The following KANSL1L variants were observed in gnomAD, a reference collection of about 807,000 sequenced individuals.
The protein encoded by KANSL1L is KAT8 regulatory NSL complex subunit 1-like protein.
In KANSL1L, 25 loss-of-function variants were observed where a neutral mutation model predicts 108.6. The observed-to-expected ratio is 0.23, with a 90% CI of 0.17 to 0.32. KANSL1L has a LOEUF of 0.32. Ranked by LOEUF, KANSL1L falls within the 10% of genes least tolerant of loss-of-function variation. The probability of loss-of-function intolerance (pLI) is 1.00; values close to 1 mark genes in which losing one functional copy is unlikely to be tolerated. For synonymous variants in KANSL1L, 405 were observed against 395.1 expected (o/e 1.03, Z -0.30); for missense variants, 1,137 against 1,125.7 (o/e 1.01, Z -0.14).
At chr2:210,136,171 T>C (rs1002560798) in intron 2 of KANSL1L, among the ~76,000 whole-genome samples, 10 of 152,150 alleles carry the variant, frequency 6.6e-5, no homozygotes, top group Admixed American at 2.0e-4. Flanking sequence ...TGCCTAGAAC[T>C]CTGGCAGAAC....
At chr2:210,169,795 C>A (rs1339916333) in intron 1 of KANSL1L, among the ~76,000 whole-genome samples, 2 of 152,310 alleles carry the variant, frequency 1.3e-5, no homozygotes, top group East Asian at 3.9e-4. Flanking sequence ...TAAAGATACT[C>A]AAATATATTC....
At chr2:210,102,966 G>T (rs998586328) in intron 4 of KANSL1L, among the ~76,000 whole-genome samples, 4 of 151,958 alleles carry the variant, frequency 2.6e-5, no homozygotes, top group Non-Finnish European at 5.9e-5. Flanking sequence ...CCCATTACTG[G>T]GTATATACCC....
intron 6 of KANSL1L, among the ~76,000 whole-genome samples, chr2:210,060,257 T>G (rs1460069192): frequency 4.6e-5 from 7 of 152,166 alleles, no homozygotes; most frequent in African/African-American, 1.7e-4. Context: ...CATTATGATT[T>G]GAGAATCTAT....
chr2:210,147,271 GCAA>G (rs530300953), intron 2 of KANSL1L, among the ~76,000 whole-genome samples: 69 of 152,170 alleles, frequency 4.5e-4, no homozygotes, highest in African/African-American at 1.6e-3. Context: ...ACCATCCTGG[GCAA>G]CATAGCTAAA....
intron 2 of KANSL1L, among the ~76,000 whole-genome samples, chr2:210,149,646 AAGAT>A (rs1238020528): frequency 6.6e-6 from 1 of 151,976 alleles, no homozygotes; most frequent in Non-Finnish European, 1.5e-5. Flanking sequence ...TTAATGACCT[AAGAT>A]AGAACTGATT....
intron 3 of KANSL1L, among the ~76,000 whole-genome samples, chr2:210,127,829 A>G (rs902405683): frequency 7.4e-5 from 11 of 148,848 alleles, no homozygotes; most frequent in African/African-American, 2.7e-4. Flanking sequence ...AAAGCAACAC[A>G]TAGAATAGGA....
At position 210,043,622 on chromosome 2, in the gene KANSL1L, A is replaced by G. The variant is rs548532816; in HGVS notation, c.1921+317T>C. On this transcript the variant is annotated intron_variant, in intron 7 of 14. Transcript: ENST00000281772. ...AAAGAACACTGAATTACCATTACTC[A>G]GAAACATTTCAACAGCACAGCCATG... 5.8e-5 allele frequency: 11 copies of G among 190,378 alleles called. No individual in the cohort carries two copies. In the East Asian group the frequency reaches 1.4e-3, roughly 24 times the overall value. The allele number at this position is 190,378 out of a possible 1,614,324, so 11.8% of individuals were successfully genotyped here. A position where few individuals can be genotyped will look rare whatever the true frequency, so the allele number is the denominator to read the frequency against.
At chr2:210,142,950 G>C (rs1388384607) in intron 2 of KANSL1L, among the ~76,000 whole-genome samples, 1 of 152,080 alleles carries the variant, frequency 6.6e-6, no homozygotes, top group African/African-American at 2.4e-5. Flanking sequence ...ATATATCTCT[G>C]TTAGGTCCAT....
At chr2:210,125,246 C>T (rs1409724113) in intron 3 of KANSL1L, among the ~76,000 whole-genome samples, 1 of 152,032 alleles carries the variant, frequency 6.6e-6, no homozygotes, top group Non-Finnish European at 1.5e-5. Context: ...AAGAGCAAAA[C>T]TCCAACTCAA....
At chr2:210,106,836 A>C (rs904894505) in intron 3 of KANSL1L, among the ~76,000 whole-genome samples, 2 of 151,944 alleles carry the variant, frequency 1.3e-5, no homozygotes, top group Non-Finnish European at 2.9e-5. Flanking sequence ...TTTTTCCTCC[A>C]TAAACTACTA....
At chr2:210,124,432 A>G (rs570503138) in intron 3 of KANSL1L, among the ~76,000 whole-genome samples, 1 of 152,180 alleles carries the variant, frequency 6.6e-6, no homozygotes, top group African/African-American at 2.4e-5. Context: ...AAAAATTAGA[A>G]AACAGTTAGA....
rs1235453144 is a variant in KANSL1L, at chr2:210,023,212, A to G, written c.2734-33T>C. ...GGGAAAAATTTTCAGTTAAGTTTCA[A>G]CTAACTTGTTTTGTTTAAATTCATC... On this transcript the variant is annotated intron_variant, in intron 14 of 14. Coordinates refer to ENST00000281772, the MANE Select transcript of KANSL1L (RefSeq NM_152519.4). 22 of 1,487,828 alleles carry G rather than the reference A, an allele frequency of 1.5e-5. 1 individual carries two copies. In the Admixed American group the frequency reaches 3.5e-4, roughly 24 times the overall value. The allele number at this position is 1,487,828 out of a possible 1,614,324, so 92.2% of individuals were successfully genotyped here.
chr2:210,127,798 C>CAAAAAAAAAAAAAAAAA (rs55979027), intron 3 of KANSL1L, among the ~76,000 whole-genome samples: 6 of 28,112 alleles, frequency 2.1e-4, no homozygotes, highest in Non-Finnish European at 3.8e-4. Flanking sequence ...GACTCTGCCT[C>CAAAAAAAAAAAAAAAAA]AAAAAAAAAA....
intron 6 of KANSL1L, among the ~76,000 whole-genome samples, chr2:210,048,409 G>A (rs1458431705): frequency 6.6e-6 from 1 of 151,286 alleles, no homozygotes; most frequent in African/African-American, 2.4e-5. Flanking sequence ...ATCTTTCAAC[G>A]CAATTCTGTC....
chr2:210,085,525 C>G (rs534028574), intron 5 of KANSL1L, among the ~76,000 whole-genome samples: 1 of 152,088 alleles, frequency 6.6e-6, no homozygotes, highest in South Asian at 2.1e-4. Flanking sequence ...AAATATTTGT[C>G]TGATCTGAGG....
intron 5 of KANSL1L, among the ~76,000 whole-genome samples, chr2:210,090,131 C>T (rs1476373586): frequency 3.3e-5 from 5 of 152,314 alleles, no homozygotes; most frequent in East Asian, 3.9e-4. Flanking sequence ...TATGTCCTCA[C>T]ATTACAATAT....
intron 6 of KANSL1L, among the ~76,000 whole-genome samples, chr2:210,054,101 G>A (rs954269199): frequency 2.0e-5 from 3 of 152,040 alleles, no homozygotes; most frequent in African/African-American, 7.2e-5. Context: ...TGGATCACAA[G>A]GTCAGGAGAT....
chr2:210,103,713 T>C (rs561344010), intron 4 of KANSL1L, among the ~76,000 whole-genome samples: 1 of 152,182 alleles, frequency 6.6e-6, no homozygotes, highest in Non-Finnish European at 1.5e-5. Context: ...TATTCCAATA[T>C]TATCTTTCAC....
At position 210,023,082 on chromosome 2, in the gene KANSL1L, C is replaced by T; in HGVS notation, c.2831G>A (p.Ser944Asn). The T allele has an allele frequency of 1.2e-6, 2 of 1,613,978 alleles. No individual in the cohort carries two copies. Among genetic ancestry groups the T allele is most frequent in the South Asian group, 1.1e-5 (1 of 91,070 alleles). ...DEKKDQVERS[S>N]TAFHGEIFGT... ...GAAGATTTCACCATGGAAAGCTGTG[C>T]TTGACCTTTCAACCTGATCCTTTTT... Residue 944 changes from serine to asparagine, a missense_variant, in exon 15 of 15, where the codon AGC (serine) becomes AAC (asparagine). By Grantham distance (46) the Ser-to-Asn change is conservative. Transcript: ENST00000281772.
Sources: gnomAD v4.1 joint callset for allele counts (sites outside exome capture counted in the v4.1 genomes callset) on GRCh38, gnomAD v4.1.1 for gene constraint, MANE v1.5 for transcripts, NCBI Gene and HGNC (gene_info 2026-07-23, HGNC 2026-07-21) for gene names.